MN1: variants seen among roughly 807,000 people sequenced by gnomAD.
The protein encoded by MN1 is MN1 proto-oncogene, transcriptional regulator.
Under a neutral mutation model 86.9 loss-of-function variants are expected in MN1, and 19 were observed. The ratio of observed to expected loss-of-function variants is 0.22; its 90% CI spans 0.15 to 0.32. The LOEUF (loss-of-function observed/expected upper bound fraction) is 0.32. MN1 is among the 10% of genes least tolerant of loss of function. The pLI, the probability that MN1 is intolerant of heterozygous loss-of-function variation, is 1.00. For synonymous variants in MN1, 928 were observed against 849.6 expected (o/e 1.09, Z -1.60); for missense variants, 1,841 against 1,862.0 (o/e 0.99, Z 0.21).
rs45495297 is a variant in MN1, at chr22:27,779,007, C to G, written c.3781+17756G>C. On this transcript the variant is annotated intron_variant, in intron 1 of 1. Coordinates refer to ENST00000302326, the MANE Select transcript of MN1 (RefSeq NM_002430.3). The stretch of plus-strand genomic sequence containing the variant: ...GGCATCCCTTCCTTCCCTACCCACC[C>G]CTGCAGAGATGGGGGTGAAGATCCC... Among the ~76,000 whole-genome samples, 469 of 152,304 alleles carry G rather than the reference C, an allele frequency of 3.1e-3. 5 individuals carry two copies. Among genetic ancestry groups the G allele is most frequent in the African/African-American group, 0.011 (449 of 41,548 alleles).
chr22:27,772,345 C>T (rs146367159), intron 1 of MN1, among the ~76,000 whole-genome samples: 165 of 152,278 alleles, frequency 1.1e-3, no homozygotes, highest in African/African-American at 3.8e-3. Flanking sequence ...GAAATCAATC[C>T]GGCTTCTACC....
At chr22:27,760,696 G>A (rs935987126) in intron 1 of MN1, among the ~76,000 whole-genome samples, 8 of 152,180 alleles carry the variant, frequency 5.3e-5, no homozygotes, top group South Asian at 4.1e-4. Flanking sequence ...CCGGGGCCAC[G>A]CAGAGCCCGA....
At chr22:27,761,135 G>A (rs563460693) in intron 1 of MN1, among the ~76,000 whole-genome samples, 51 of 152,142 alleles carry the variant, frequency 3.4e-4, no homozygotes, top group Non-Finnish European at 5.9e-4. Flanking sequence ...TGACTGGCAC[G>A]ACCTCTCCCA....
chr22:27,781,266 C>G (rs546867579), intron 1 of MN1, among the ~76,000 whole-genome samples: 1 of 152,310 alleles, frequency 6.6e-6, no homozygotes, highest in East Asian at 1.9e-4. Flanking sequence ...CAATCACTCA[C>G]TGTAGTTCAG....
chr22:27,750,995 G>A lies in MN1; in HGVS notation c.3883C>T (p.Arg1295Ter), dbSNP rs147334255. ...CTDDVGDAKA[R>*]ASVPTWRSLH... ...GACCGCCAGGTGGGCACGGAGGCTC[G>A]AGCCTTGGCGTCACCCACGTCGTCT... The change falls in exon 2 of 2, where the codon CGA (arginine) becomes TGA (stop). Residue 1295 changes from arginine (R) to a stop codon, truncating the protein, a stop_gained. Coordinates refer to ENST00000302326, the MANE Select transcript of MN1 (RefSeq NM_002430.3). LOFTEE classifies it high-confidence loss of function. The A allele has an allele frequency of 6.2e-7, 1 of 1,613,012 alleles. No individual in the cohort carries two copies. The highest frequency in any genetic ancestry group is 8.5e-7 in the Non-Finnish European group (1 of 1,179,420).
In MN1 at chr22:27,797,574, G is replaced by A; in HGVS notation, c.2970C>T (p.Ser990=). 2 of 1,604,184 alleles carry A rather than the reference G, an allele frequency of 1.2e-6. No individual in the cohort carries two copies. The highest frequency in any genetic ancestry group is 1.7e-6 in the Non-Finnish European group (2 of 1,175,490). Residue 990 remains serine, a synonymous_variant, in exon 1 of 2, where the codon TCC becomes TCT. Transcript: ENST00000302326. ...TCGGTGCCCCGCGCGTCTCGCCTGC[G>A]GAGCTTCCCCCGACGGCTGCGCCTG... ...QASGAAVGGS[S]AGETRGAPTP...
rs770647256 is a variant in MN1, at chr22:27,770,647, G to GTTATT, written c.3782-19556_3782-19552dup. On this transcript the variant is annotated intron_variant, in intron 1 of 1. Transcript: ENST00000302326. ...ACCTGAACTTCACAGTACAAACCTG[G>GTTATT]TTATTTTATTTTATTTTATTTTATT... Among the ~76,000 whole-genome samples the GTTATT allele has an allele frequency of 7.3e-4, 111 of 152,224 alleles. 1 individual carries two copies. Among genetic ancestry groups the GTTATT allele is most frequent in the African/African-American group, 2.1e-3 (88 of 41,556 alleles).
chr22:27,757,821 T>C (rs1345533363), intron 1 of MN1, among the ~76,000 whole-genome samples: 1 of 151,906 alleles, frequency 6.6e-6, no homozygotes, highest in Admixed American at 6.6e-5. Context: ...CTTGGTAGCT[T>C]TTCTGTTCCT....
chr22:27,786,333 G>A (rs1162337437), intron 1 of MN1, among the ~76,000 whole-genome samples: 7 of 152,136 alleles, frequency 4.6e-5, no homozygotes, highest in Non-Finnish European at 1.5e-5. Flanking sequence ...AAAGCTGAGG[G>A]CTGTTTTGCT....
At chr22:27,765,331 C>T (rs1459525393) in intron 1 of MN1, among the ~76,000 whole-genome samples, 3 of 152,150 alleles carry the variant, frequency 2.0e-5, no homozygotes, top group Non-Finnish European at 2.9e-5. Flanking sequence ...CTCATCTTCC[C>T]TCTTGGGCTA....
intron 1 of MN1, among the ~76,000 whole-genome samples, chr22:27,774,282 G>A (rs903259417): frequency 3.3e-5 from 5 of 152,164 alleles, no homozygotes; most frequent in Non-Finnish European, 7.3e-5. Flanking sequence ...TAGATTCTAA[G>A]GCCACTGCCC....
In MN1 at chr22:27,762,869, C is replaced by T. The variant is rs975443644; in HGVS notation, c.3782-11773G>A. On this transcript the variant is annotated intron_variant, in intron 1 of 1. Transcript: ENST00000302326. ...ATTCCAACACTTTGGGAAGCCGAGG[C>T]AGGAGGATTGCTTGAGCCCAGGAGT... Among the ~76,000 whole-genome samples, 5 of 151,554 alleles carry T rather than the reference C, an allele frequency of 3.3e-5. No homozygotes were observed. In the East Asian group the frequency reaches 9.7e-4, roughly 29 times the overall value.
chr22:27,785,242 G>A (rs1252975864), intron 1 of MN1, among the ~76,000 whole-genome samples: 2 of 152,202 alleles, frequency 1.3e-5, no homozygotes, highest in East Asian at 3.9e-4. Context: ...TGAAAAGCGA[G>A]AATAATCTAA....
chr22:27,792,317 C>CAT (rs36207111), intron 1 of MN1, among the ~76,000 whole-genome samples: 9,917 of 113,496 alleles, frequency 0.087, 433 homozygotes, highest in Non-Finnish European at 0.13. Context: ...ATAAAAATTG[C>CAT]ATATATATAT....
chr22:27,784,306 G>C (rs200637461), intron 1 of MN1, among the ~76,000 whole-genome samples: 1 of 152,300 alleles, frequency 6.6e-6, no homozygotes, highest in South Asian at 2.1e-4. Context: ...TCTGTTTGTT[G>C]AAACCGCCAA....
Position 27,799,773 on chromosome 22 carries a change from A to C in MN1, c.771T>G (p.Pro257=), listed in dbSNP as rs745997454. ...FSPSDSEGQL[P]HYAAGRQVPG... ...GAACCTGGCGACCCGCTGCATAATG[A>C]GGCAGCTGCCCTTCGGAGTCAGAGG... is the stretch of plus-strand genomic sequence containing the variant. Residue 257 remains proline, a synonymous_variant, in exon 1 of 2, where the codon CCT becomes CCG. Coordinates refer to ENST00000302326, the MANE Select transcript of MN1 (RefSeq NM_002430.3). 1.9e-6 allele frequency: 3 copies of C among 1,594,140 alleles called. No individual in the cohort carries two copies. The Admixed American group carries it at 5.2e-5, about 27-fold the overall frequency.
At chr22:27,792,339 TA>T (rs1245509801) in intron 1 of MN1, among the ~76,000 whole-genome samples, 17 of 145,416 alleles carry the variant, frequency 1.2e-4, no homozygotes, top group African/African-American at 4.2e-4. Flanking sequence ...TATATATATA[TA>T]TATATATATA....
chr22:27,785,326 C>T (rs2146308959), intron 1 of MN1, among the ~76,000 whole-genome samples: 1 of 152,318 alleles, frequency 6.6e-6, no homozygotes, highest in Non-Finnish European at 1.5e-5. Context: ...GAAAAACCCC[C>T]TCTGTCGAGA....
rs1338367349 is a variant in MN1, at chr22:27,799,711, C to T, written c.833G>A (p.Arg278Lys). 1 of 1,566,968 alleles carries T rather than the reference C, an allele frequency of 6.4e-7. No individual in the cohort carries two copies. Among genetic ancestry groups the T allele is most frequent in the Non-Finnish European group, 8.6e-7 (1 of 1,156,528 alleles). The change falls in exon 1 of 2, where the codon AGA becomes AAA. Residue 278 changes from arginine (R) to lysine (K), a missense_variant. Coordinates refer to ENST00000302326, the MANE Select transcript of MN1 (RefSeq NM_002430.3). ...GGACAAGCCCACCATGCCCGCAGCTCTGGGCATGGCCGAGGCGCCCGGGAA... is the reference window on the plus strand; with the variant it reads ...GGACAAGCCCACCATGCCCGCAGCTTTGGGCATGGCCGAGGCGCCCGGGAA... The part of the protein sequence containing the change: ...GAFPGASAMP[R>K]AAGMVGLSKM...
Sources: gnomAD v4.1 joint callset for allele counts (sites outside exome capture counted in the v4.1 genomes callset) on GRCh38, gnomAD v4.1.1 for gene constraint, MANE v1.5 for transcripts, NCBI Gene and HGNC (gene_info 2026-07-23, HGNC 2026-07-21) for gene names.